LTBP1: variants seen among roughly 807,000 people sequenced by gnomAD.
The protein encoded by LTBP1 is latent transforming growth factor beta binding protein 1, also known as latent-transforming growth factor beta-binding protein 1.
Under a neutral mutation model 207.6 loss-of-function variants are expected in LTBP1, and 129 were observed. The ratio of observed to expected loss-of-function variants is 0.62; its 90% CI spans 0.54 to 0.72. The LOEUF (loss-of-function observed/expected upper bound fraction) is 0.72, where lower values mean the gene tolerates loss of function less well. Ranked by LOEUF, LTBP1 falls within the 30% of genes least tolerant of loss-of-function variation. LTBP1 has a pLI of 0.00. For missense variants in LTBP1, 2,281 were observed against 2,217.2 expected (o/e 1.03, Z -0.58); for synonymous variants, 963 against 833.7 (o/e 1.16, Z -2.67).
intron 24 of LTBP1, among the ~76,000 whole-genome samples, chr2:33,342,307 C>T (rs1252644973): frequency 1.3e-5 from 2 of 152,208 alleles, no homozygotes; most frequent in African/African-American, 4.8e-5. Flanking sequence ...TCTTTTGGCA[C>T]TGGGACTGAC....
chr2:33,347,644 C>A, intron 26 of LTBP1, 134 bp downstream of exon 26: 2 of 1,009,576 alleles, frequency 2.0e-6, no homozygotes, highest in Non-Finnish European at 2.9e-6. Context: ...TCTCTGGAAG[C>A]TTCCATGATC....
chr2:33,207,183 T>C (rs958749017), intron 7 of LTBP1, among the ~76,000 whole-genome samples: 1 of 152,224 alleles, frequency 6.6e-6, no homozygotes, highest in Non-Finnish European at 1.5e-5. Flanking sequence ...ATCATAAGTT[T>C]CATGCTTAAG....
At chr2:32,952,632 T>G (rs910038668) in intron 2 of LTBP1, among the ~76,000 whole-genome samples, 3 of 152,174 alleles carry the variant, frequency 2.0e-5, no homozygotes, top group Non-Finnish European at 4.4e-5. Flanking sequence ...TTGCCTCCTA[T>G]CATTTTTGTA....
chr2:32,980,712 TCCTTTTCTTTCAGATTGAAGGA>T (rs1168663559), intron 2 of LTBP1, among the ~76,000 whole-genome samples: 1 of 152,220 alleles, frequency 6.6e-6, no homozygotes, highest in African/African-American at 2.4e-5. Context: ...CTCCTTAATG[TCCTTTTCTTTCAGATTGAAGGA>T]CTCCGTTTTA....
chr2:33,289,169 A>T (rs1173562896), intron 19 of LTBP1, among the ~76,000 whole-genome samples: 4 of 152,136 alleles, frequency 2.6e-5, no homozygotes, highest in Admixed American at 2.6e-4. Flanking sequence ...AGAAGGATCA[A>T]TTTGGATTGG....
At chr2:33,115,631 T>C (rs968863585) in intron 4 of LTBP1, among the ~76,000 whole-genome samples, 1 of 151,890 alleles carries the variant, frequency 6.6e-6, no homozygotes, top group African/African-American at 2.4e-5. Flanking sequence ...TGGTGTGGGG[T>C]AGGGGTGGGG....
chr2:33,035,329 G>A (rs2075871055), intron 3 of LTBP1, among the ~76,000 whole-genome samples: 1 of 152,200 alleles, frequency 6.6e-6, no homozygotes, highest in African/African-American at 2.4e-5. Flanking sequence ...GAGATGAGAA[G>A]TAAGCAAAAC....
rs77980413 is a variant in LTBP1, at chr2:33,266,644, C to T, written c.2617+3252C>T. ...AAAACCCTGGACTCAGCCAAACTCA[C>T]ACAGATGTCAGGAGTACCAGCTGTG... On this transcript the variant is annotated intron_variant, in intron 15 of 33. Transcript: ENST00000404816. Among the ~76,000 whole-genome samples the T allele has an allele frequency of 1.7e-3, 258 of 152,268 alleles. 2 individuals are homozygous for T. Among genetic ancestry groups the T allele is most frequent in the African/African-American group, 6.0e-3 (250 of 41,554 alleles).
chr2:33,144,411 T>A (rs2082863428), intron 5 of LTBP1, among the ~76,000 whole-genome samples: 1 of 152,180 alleles, frequency 6.6e-6, no homozygotes, highest in African/African-American at 2.4e-5. Context: ...GGATCGTGCT[T>A]CTTCTTGAGT....
At chr2:32,948,173 C>G (rs1676555724) in intron 1 of LTBP1, among the ~76,000 whole-genome samples, 1 of 152,208 alleles carries the variant, frequency 6.6e-6, no homozygotes, top group African/African-American at 2.4e-5. Context: ...CAATTAAACT[C>G]TGCAACTGAG....
At chr2:33,091,990 G>C (rs1015424298) in intron 3 of LTBP1, among the ~76,000 whole-genome samples, 4 of 152,172 alleles carry the variant, frequency 2.6e-5, no homozygotes, top group Admixed American at 6.5e-5. Context: ...GGCACCTCTA[G>C]CTGTGTGACT....
In LTBP1 at chr2:33,110,674, G is replaced by A; in HGVS notation, c.956G>A (p.Gly319Glu). The A allele has an allele frequency of 6.2e-7, 1 of 1,614,154 alleles. No individual in the cohort carries two copies. Among genetic ancestry groups the A allele is most frequent in the Admixed American group, 1.7e-5 (1 of 60,022 alleles). ...CCCAAGTACTTTCCAGCCCAGAAGG[G>A]GATTTCAGGAGAGCAGTCCACTGAA... ...LKPKYFPAQK[G>E]ISGEQSTEGS... The change falls in exon 4 of 34, where the codon GGG becomes GAG. Residue 319 changes from glycine to glutamate, a missense_variant. By Grantham distance (98) the Gly-to-Glu change is moderately conservative (BLOSUM62 -2). Transcript: ENST00000404816.
chr2:33,258,702 C>T (rs1224521818), intron 12 of LTBP1, among the ~76,000 whole-genome samples: 2 of 152,082 alleles, frequency 1.3e-5, no homozygotes, highest in Non-Finnish European at 2.9e-5. Flanking sequence ...GTAGGTTAGG[C>T]AGAATAGAAG....
chr2:33,269,987 G>T (rs2093279650), intron 15 of LTBP1, among the ~76,000 whole-genome samples: 2 of 144,104 alleles, frequency 1.4e-5, no homozygotes, highest in South Asian at 4.5e-4. Context: ...TTTTTTTGAG[G>T]CAAAGTCTCG....
intron 2 of LTBP1, among the ~76,000 whole-genome samples, chr2:32,950,621 C>T (rs1474251450): frequency 2.6e-5 from 4 of 151,392 alleles, no homozygotes; most frequent in Non-Finnish European, 4.4e-5. Context: ...ATCCTGGCTA[C>T]TCAGGAGTCT....
chr2:33,088,762 A>C (rs559777045), intron 3 of LTBP1, among the ~76,000 whole-genome samples: 1 of 152,194 alleles, frequency 6.6e-6, no homozygotes, highest in Non-Finnish European at 1.5e-5. Context: ...GTGAAACTAA[A>C]ATTCAAAAAT....
intron 7 of LTBP1, among the ~76,000 whole-genome samples, chr2:33,200,912 C>G (rs1251555725): frequency 6.6e-6 from 1 of 152,172 alleles, no homozygotes; most frequent in Non-Finnish European, 1.5e-5. Flanking sequence ...AAATACAAAT[C>G]AAAACCACAA....
intron 9 of LTBP1, among the ~76,000 whole-genome samples, chr2:33,233,995 C>A (rs1457564269): frequency 6.6e-6 from 1 of 151,786 alleles, no homozygotes; most frequent in Non-Finnish European, 1.5e-5. Flanking sequence ...TCCCTCTTTT[C>A]TAGAGCTTAT....
chr2:33,102,807 G>A (rs1181059422), intron 3 of LTBP1, among the ~76,000 whole-genome samples: 1 of 152,184 alleles, frequency 6.6e-6, no homozygotes, highest in Non-Finnish European at 1.5e-5. Context: ...TGTATGCACT[G>A]TCTGTAAGCT....
Sources: gnomAD v4.1 joint callset for allele counts (sites outside exome capture counted in the v4.1 genomes callset) on GRCh38, gnomAD v4.1.1 for gene constraint, MANE v1.5 for transcripts, NCBI Gene and HGNC (gene_info 2026-07-23, HGNC 2026-07-21) for gene names.